Variants in CORIN observed in about 807,000 individuals in gnomAD.
CORIN encodes atrial natriuretic peptide-converting enzyme.
CORIN carries 117 observed loss-of-function variants against 125.3 expected under a neutral mutation model. That is an observed-to-expected ratio of 0.93 (90% CI 0.80 to 1.09). CORIN has a LOEUF of 1.09. CORIN is among the 50% of genes least tolerant of loss of function. The probability of loss-of-function intolerance (pLI) is 0.00; values close to 1 mark genes in which losing one functional copy is unlikely to be tolerated. For missense variants in CORIN, 1,253 were observed against 1,306.7 expected, an observed-to-expected ratio of 0.96 and a Z score of 0.63; for synonymous variants, 450 against 466.4, an observed-to-expected ratio of 0.96 and a Z score of 0.45.
chr4:47,724,853 G>A (rs2109803793), intron 5 of CORIN, among the ~76,000 whole-genome samples: 1 of 152,266 alleles, frequency 6.6e-6, no homozygotes, highest in East Asian at 1.9e-4. Flanking sequence ...AAAGTCAGCT[G>A]TGCCAAATAA....
intron 6 of CORIN, among the ~76,000 whole-genome samples, chr4:47,691,568 T>C (rs1238527246): frequency 1.3e-5 from 2 of 152,156 alleles, no homozygotes; most frequent in Non-Finnish European, 2.9e-5. Context: ...AAAAAATGCA[T>C]GAATAAATGA....
At chr4:47,782,400 A>G (rs945792373) in intron 3 of CORIN, among the ~76,000 whole-genome samples, 14 of 150,862 alleles carry the variant, frequency 9.3e-5, no homozygotes, top group African/African-American at 3.1e-4. Context: ...AAAAAAAAAA[A>G]AAGAAAGAAA....
chr4:47,788,004 TC>T (rs1730898862), intron 2 of CORIN, among the ~76,000 whole-genome samples: 1 of 152,250 alleles, frequency 6.6e-6, no homozygotes, highest in Non-Finnish European at 1.5e-5. Context: ...CCTTGCTTTG[TC>T]TTTAGGAAGA....
rs199949182 is a variant in CORIN at position 47,623,788 on chromosome 4, C to T, written c.2366-43G>A. ...ACACAGTTTGTGAGTTGATGCCAAA[C>T]CTTGCTAAATGCTTAGCTCTTTGCT... is the stretch of plus-strand genomic sequence containing the variant. On this transcript the variant is annotated intron_variant, in intron 18 of 21. Transcript: ENST00000273857. 124 of 1,600,904 alleles carry T rather than the reference C, an allele frequency of 7.7e-5. No homozygotes were observed. In the African/African-American group the frequency reaches 1.5e-3, roughly 19 times the overall value.
chr4:47,672,723 G>A (rs1724815224), intron 10 of CORIN, among the ~76,000 whole-genome samples: 1 of 151,936 alleles, frequency 6.6e-6, no homozygotes, highest in Non-Finnish European at 1.5e-5. Flanking sequence ...CAGTTTAGAG[G>A]AAGTAAAATG....
chr4:47,664,802 C>T (rs574435599), intron 11 of CORIN, among the ~76,000 whole-genome samples: 1 of 152,248 alleles, frequency 6.6e-6, no homozygotes, highest in South Asian at 2.1e-4. Context: ...AACACATAAA[C>T]TATCATCAAA....
At position 47,692,973 on chromosome 4, in the gene CORIN, A is replaced by G. The variant is rs1187819294; in HGVS notation, c.910T>C (p.Cys304Arg). ...CCCTAAACAGCTTGTCACATACTGC[A>G]ATGAGCCTCGTCACTCCAGTCGTCA... ...DCDDWSDEAHCNCSENLFHCH... is the reference protein window; with the variant it reads ...DCDDWSDEAHRNCSENLFHCH... The change falls in exon 6 of 22, where the codon TGC (cysteine) becomes CGC (arginine). Residue 304 changes from cysteine to arginine, a missense_variant. By Grantham distance (180) the Cys-to-Arg change is radical. Transcript: ENST00000273857. The G allele has an allele frequency of 6.2e-7, 1 of 1,611,734 alleles. No homozygotes were observed. Among genetic ancestry groups the G allele is most frequent in the South Asian group, 1.1e-5 (1 of 90,992 alleles).
rs760835243 is a variant in CORIN at position 47,595,818 on chromosome 4, A to G, written c.3032T>C (p.Phe1011Ser). The G allele has an allele frequency of 9.3e-6, 15 of 1,613,834 alleles. No homozygotes were observed. Among genetic ancestry groups the G allele is most frequent in the Non-Finnish European group, 1.3e-5 (15 of 1,179,862 alleles). The change falls in exon 22 of 22, where the codon TTT becomes TCT. Residue 1011 changes from phenylalanine (F) to serine (S), a missense_variant. By Grantham distance (155) the Phe-to-Ser change is radical (BLOSUM62 -2). Transcript: ENST00000273857. ...AACGCCAGGCCCCAGGACTTTGGAA[A>G]AGCAGACGGAGCCCCATGAAGTTAA... is the stretch of plus-strand genomic sequence containing the variant. ...FGLTSWGSVC[F>S]SKVLGPGVYS...
chr4:47,644,791 A>G (rs1723392323), intron 14 of CORIN, among the ~76,000 whole-genome samples: 3 of 152,094 alleles, frequency 2.0e-5, no homozygotes, highest in Admixed American at 2.0e-4. Context: ...ATATTTGTAT[A>G]TTATTTTCTT....
At chr4:47,707,619 T>C (rs1726636353) in intron 5 of CORIN, among the ~76,000 whole-genome samples, 3 of 152,238 alleles carry the variant, frequency 2.0e-5, no homozygotes. Context: ...GAAGCCATTA[T>C]CAGTGATTAA....
intron 5 of CORIN, among the ~76,000 whole-genome samples, chr4:47,711,147 C>T (rs924340773): frequency 2.6e-5 from 4 of 152,134 alleles, no homozygotes; most frequent in African/African-American, 7.2e-5. Context: ...CAAACCTGAC[C>T]CCTTGATCAC....
chr4:47,805,335 A>G (rs1289921487), intron 2 of CORIN, among the ~76,000 whole-genome samples: 1 of 151,996 alleles, frequency 6.6e-6, no homozygotes, highest in Non-Finnish European at 1.5e-5. Flanking sequence ...TACACCCACT[A>G]TGTACCCACA....
chr4:47,623,850 C>A lies in CORIN; in HGVS notation c.2365+49G>T, dbSNP rs773852508. 1.1e-5 allele frequency: 17 copies of A among 1,605,534 alleles called. No homozygotes were observed. The East Asian group carries it at 3.8e-4, about 36-fold the overall frequency. On this transcript the variant is annotated intron_variant, in intron 18 of 21. Coordinates refer to ENST00000273857, the MANE Select transcript of CORIN (RefSeq NM_006587.4). ...GCGATCACTCTTCCCCTGAGCCAAT[C>A]CAGTTCAATTAAGTTCATATCCCAT...
intron 10 of CORIN, among the ~76,000 whole-genome samples, chr4:47,671,247 CA>C (rs1398059959): frequency 6.6e-6 from 1 of 152,170 alleles, no homozygotes; most frequent in Non-Finnish European, 1.5e-5. Flanking sequence ...TCAGAGTCTT[CA>C]AGGACAAGAA....
rs1364984876 is a variant in CORIN at position 47,595,812 on chromosome 4, T to C, written c.3038A>G (p.Lys1013Arg). The C allele has an allele frequency of 1.2e-6, 2 of 1,613,660 alleles. No homozygotes were observed. Among genetic ancestry groups the C allele is most frequent in the Non-Finnish European group, 1.7e-6 (2 of 1,179,848 alleles). ...LTSWGSVCFS[K>R]VLGPGVYSNV... ...ACTATAAACGCCAGGCCCCAGGACT[T>C]TGGAAAAGCAGACGGAGCCCCATGA... Residue 1013 changes from lysine (K) to arginine (R), a missense_variant, in exon 22 of 22, where the codon AAA becomes AGA. By Grantham distance (26) the Lys-to-Arg change is conservative. Coordinates refer to ENST00000273857, the MANE Select transcript of CORIN (RefSeq NM_006587.4).
At chr4:47,599,812 A>C (rs1721382490) in intron 21 of CORIN, among the ~76,000 whole-genome samples, 1 of 152,118 alleles carries the variant, frequency 6.6e-6, no homozygotes. Context: ...CATCACCCTA[A>C]TGGCTGACAA....
chr4:47,786,667 T>C, intron 3 of CORIN, 58 bp downstream of exon 3: 2 of 1,413,030 alleles, frequency 1.4e-6, no homozygotes, highest in South Asian at 1.2e-5. Context: ...GTTGCCAAAC[T>C]TAAAAACCTA....
At chr4:47,835,535 C>G (rs777652776) in intron 1 of CORIN, among the ~76,000 whole-genome samples, 2 of 152,310 alleles carry the variant, frequency 1.3e-5, no homozygotes, top group Non-Finnish European at 2.9e-5. Context: ...ACCTCATTAA[C>G]AGTATGGAGA....
rs1726672595 is a variant in CORIN at position 47,708,286 on chromosome 4, T to A, written c.800-15203A>T. On this transcript the variant is annotated intron_variant, in intron 5 of 21. Transcript: ENST00000273857. Reference sequence around the variant, plus strand: ...TTGGCAAAGCTGTCTTCTAGAGGCATCCCTCATTTCTTGGCACATGGATCC... The same window carrying A: ...TTGGCAAAGCTGTCTTCTAGAGGCAACCCTCATTTCTTGGCACATGGATCC... Among the ~76,000 whole-genome samples, 5 of 152,278 alleles carry A rather than the reference T, an allele frequency of 3.3e-5. No homozygotes were observed. In the Middle Eastern group the frequency reaches 0.014, roughly 414 times the overall value.
Sources: allele counts gnomAD v4.1 joint callset (sites outside exome capture counted in the v4.1 genomes callset), GRCh38; gene constraint gnomAD v4.1.1; transcripts MANE v1.5; gene names NCBI Gene and HGNC (gene_info 2026-07-23, HGNC 2026-07-21).